Variants in SUPT3H observed in about 807,000 individuals in gnomAD.
The protein encoded by SUPT3H is transcription initiation protein SPT3 homolog.
SUPT3H carries 44 observed loss-of-function variants against 44.3 expected under a neutral mutation model. The observed-to-expected ratio is 0.99, with a 90% CI of 0.78 to 1.28. The LOEUF is 1.28. Ranked by LOEUF, SUPT3H falls within the 50% of genes most tolerant of loss-of-function variation. The pLI is 0.00. For missense variants in SUPT3H, 380 were observed against 387.1 expected (o/e 0.98, Z 0.15); for synonymous variants, 124 against 125.6 (o/e 0.99, Z 0.09).
In SUPT3H at chr6:45,305,144, TA is replaced by T. The variant is rs1326136483; in HGVS notation, c.101+60056del. ...TTATAGTTTGTAGAACTTTTTAATC[TA>T]AGCCATTAGACTCCCTGAACTACCT... On this transcript the variant is annotated intron_variant, in intron 2 of 10. Transcript: ENST00000371459. 2.6e-5 allele frequency among the ~76,000 whole-genome samples: 4 copies of T among 152,198 alleles called. No individual in the cohort carries two copies. In the East Asian group the frequency reaches 7.7e-4, roughly 29 times the overall value.
At chr6:44,832,702 T>C (rs957413790) in intron 10 of SUPT3H, among the ~76,000 whole-genome samples, 5 of 152,148 alleles carry the variant, frequency 3.3e-5, no homozygotes, top group Non-Finnish European at 5.9e-5. Flanking sequence ...CCCATTTTTT[T>C]TAATTGAGGA....
intron 3 of SUPT3H, among the ~76,000 whole-genome samples, chr6:45,056,045 A>T (rs1791064405): frequency 6.6e-6 from 1 of 152,206 alleles, no homozygotes; most frequent in East Asian, 1.9e-4. Context: ...AAAAGAATAT[A>T]TACAAATGAT....
chr6:45,294,150 T>C (rs75242452), intron 2 of SUPT3H, among the ~76,000 whole-genome samples: 19,786 of 152,104 alleles, frequency 0.13, 1,532 homozygotes, highest in East Asian at 0.26. Flanking sequence ...TTCAAGTGGG[T>C]TTCATACCAG....
chr6:45,239,349 T>C (rs1769847260), intron 2 of SUPT3H, among the ~76,000 whole-genome samples: 1 of 152,248 alleles, frequency 6.6e-6, no homozygotes, highest in Non-Finnish European at 1.5e-5. Context: ...TAGTTGCTAC[T>C]GCAGTATCTA....
At chr6:44,885,803 C>T (rs572886053) in intron 10 of SUPT3H, among the ~76,000 whole-genome samples, 281 of 152,110 alleles carry the variant, frequency 1.8e-3, no homozygotes, top group African/African-American at 6.4e-3. Context: ...AGGCTTCAGA[C>T]GATCAAACTA....
At chr6:44,864,946 G>C (rs1775272725) in intron 10 of SUPT3H, among the ~76,000 whole-genome samples, 1 of 152,106 alleles carries the variant, frequency 6.6e-6, no homozygotes, top group Admixed American at 6.5e-5. Flanking sequence ...GCATTGTCAG[G>C]CTGCAAACTT....
At position 45,040,714 on chromosome 6, in the gene SUPT3H, G is replaced by A. The variant is rs546304588; in HGVS notation, c.187-20082C>T. ...AATACTAATTACCAATAATCCTGTT[G>A]AATAACAGAGAAGCCCCACAACTTT... On this transcript the variant is annotated intron_variant, in intron 3 of 10. Transcript: ENST00000371459. Among the ~76,000 whole-genome samples, 99 of 152,176 alleles carry A rather than the reference G, an allele frequency of 6.5e-4. 1 individual carries two copies. The highest frequency in any genetic ancestry group is 6.4e-3 in the Admixed American group (98 of 15,290).
At chr6:44,971,530 C>T (rs190427419) in intron 6 of SUPT3H, among the ~76,000 whole-genome samples, 31 of 152,242 alleles carry the variant, frequency 2.0e-4, no homozygotes, top group Admixed American at 1.8e-3. Context: ...AACATCAGAT[C>T]TCCTGAGAAC....
chr6:44,929,280 A>G (rs1267569991), intron 10 of SUPT3H, among the ~76,000 whole-genome samples: 2 of 152,172 alleles, frequency 1.3e-5, no homozygotes, highest in Non-Finnish European at 2.9e-5. Context: ...CATAAAGTAG[A>G]CAGAAAGATG....
intron 10 of SUPT3H, among the ~76,000 whole-genome samples, chr6:44,896,496 C>T (rs1220509323): frequency 6.6e-6 from 1 of 152,004 alleles, no homozygotes; most frequent in Admixed American, 6.6e-5. Context: ...ACACTTATTC[C>T]ACAGGGTTGT....
intron 3 of SUPT3H, among the ~76,000 whole-genome samples, chr6:45,041,981 C>G (rs1433411951): frequency 6.6e-6 from 1 of 152,152 alleles, no homozygotes; most frequent in Non-Finnish European, 1.5e-5. Context: ...TGCAGCACGT[C>G]TTCCAGAAGT....
At chr6:44,841,223 A>T (rs1770882311) in intron 10 of SUPT3H, among the ~76,000 whole-genome samples, 2 of 152,236 alleles carry the variant, frequency 1.3e-5, no homozygotes, top group African/African-American at 4.8e-5. Context: ...ATTAGTTGTT[A>T]TATGAATTAA....
intron 2 of SUPT3H, among the ~76,000 whole-genome samples, chr6:45,222,734 T>G (rs1259673675): frequency 1.3e-5 from 2 of 152,122 alleles, no homozygotes; most frequent in Non-Finnish European, 2.9e-5. Flanking sequence ...TCACGCAAAA[T>G]TCTGTATATA....
At chr6:45,223,018 T>G (rs9369549) in intron 2 of SUPT3H, among the ~76,000 whole-genome samples, 131,953 of 152,114 alleles carry the variant, frequency 0.87, 57,453 homozygotes, top group African/African-American at 0.9. Flanking sequence ...CAAATCAGTG[T>G]TTGCCATGGG....
chr6:45,177,723 A>G lies in SUPT3H; in HGVS notation c.102-71717T>C, dbSNP rs893039436. On this transcript the variant is annotated intron_variant, in intron 2 of 10. Transcript: ENST00000371459. The stretch of plus-strand genomic sequence containing the variant: ...CCATCAGACTAACAGCTGATCTCTC[A>G]GCAGAAACTCTACAAGCCAGAAGAG... Among the ~76,000 whole-genome samples the G allele has an allele frequency of 2.9e-4, 44 of 151,966 alleles. 1 individual carries two copies. Among genetic ancestry groups the G allele is most frequent in the Admixed American group, 5.9e-4 (9 of 15,234 alleles).
chr6:45,372,921 G>A (rs1446123155), intron 1 of SUPT3H, among the ~76,000 whole-genome samples: 4 of 151,990 alleles, frequency 2.6e-5, no homozygotes, highest in Admixed American at 2.0e-4. Flanking sequence ...GGGTTCAAGC[G>A]ATTCTGATGT....
chr6:45,265,489 C>T (rs139360876), intron 2 of SUPT3H, among the ~76,000 whole-genome samples: 91 of 152,144 alleles, frequency 6.0e-4, no homozygotes, highest in African/African-American at 1.9e-3. Context: ...TTTTAACCTT[C>T]GTCACTTCCT....
At chr6:44,810,798 T>G (rs1252666652) in intron 11 of SUPT3H, among the ~76,000 whole-genome samples, 1 of 151,628 alleles carries the variant, frequency 6.6e-6, no homozygotes, top group African/African-American at 2.4e-5. Flanking sequence ...CCCAGCTACT[T>G]GGGAGGCTGA....
chr6:45,028,202 A>G (rs568317294), intron 3 of SUPT3H, among the ~76,000 whole-genome samples: 3 of 152,288 alleles, frequency 2.0e-5, no homozygotes, highest in South Asian at 4.1e-4. Context: ...AATACTGGAG[A>G]TCATTTTATT....
Sources: allele counts gnomAD v4.1 joint callset (sites outside exome capture counted in the v4.1 genomes callset), GRCh38; gene constraint gnomAD v4.1.1; transcripts MANE v1.5; gene names NCBI Gene and HGNC (gene_info 2026-07-23, HGNC 2026-07-21).